Variants in FAM124A observed in about 807,000 individuals in gnomAD.
The protein encoded by FAM124A is protein FAM124A.
Under a neutral mutation model 24.5 loss-of-function variants are expected in FAM124A, and 23 were observed. That is an observed-to-expected ratio of 0.94 (90% CI 0.68 to 1.33). The LOEUF is 1.33. Ranked by LOEUF, FAM124A falls within the 40% of genes most tolerant of loss-of-function variation. FAM124A has a pLI of 0.00. For synonymous variants in FAM124A, 287 were observed against 314.7 expected (o/e 0.91, Z 0.93); for missense variants, 623 against 722.8 (o/e 0.86, Z 1.58).
At position 51,255,877 on chromosome 13, in the gene FAM124A, A is replaced by G. The variant is rs146394730; in HGVS notation, c.834+3676A>G. 1.7e-4 allele frequency among the ~76,000 whole-genome samples: 26 copies of G among 152,276 alleles called. No homozygotes were observed. The East Asian group carries it at 3.1e-3, about 18-fold the overall frequency. On this transcript the variant is annotated intron_variant, in intron 3 of 3. Transcript: ENST00000322475. ...ATGCACCTTCAGATACTCTCCCACA[A>G]TTTGTTTCTCTCAGCCAGGCTTTCA...
rs1481106770 is a variant in FAM124A at position 51,283,554 on chromosome 13, G to A, written c.*2298G>A. 1 of 152,032 alleles carries A rather than the reference G, an allele frequency of 6.6e-6. No individual in the cohort carries two copies. Among genetic ancestry groups the A allele is most frequent in the East Asian group, 1.9e-4 (1 of 5,186 alleles). The allele number at this position is 152,032 out of a possible 1,614,324, so 9.4% of individuals were successfully genotyped here. ...TTAGACCAATGACTTCAGAACCACAGGGCTCAGAACAGGAAGGAGCTTCTT... is the reference window on the plus strand; with the variant it reads ...TTAGACCAATGACTTCAGAACCACAAGGCTCAGAACAGGAAGGAGCTTCTT... On this transcript the variant is annotated 3_prime_UTR_variant, in exon 4 of 4. Coordinates refer to ENST00000322475, the MANE Select transcript of FAM124A (RefSeq NM_001242312.2).
intron 1 of FAM124A, among the ~76,000 whole-genome samples, chr13:51,223,934 C>T (rs1954289687): frequency 6.6e-6 from 1 of 152,182 alleles, no homozygotes; most frequent in Non-Finnish European, 1.5e-5. Flanking sequence ...ATAAAGCATT[C>T]ACTAGTCTAT....
At chr13:51,266,718 C>T (rs1307747467) in intron 3 of FAM124A, among the ~76,000 whole-genome samples, 2 of 152,244 alleles carry the variant, frequency 1.3e-5, no homozygotes, top group African/African-American at 2.4e-5. Flanking sequence ...TCTGCTCATA[C>T]AGAGCCCTCC....
intron 1 of FAM124A, among the ~76,000 whole-genome samples, chr13:51,228,727 A>C (rs1200832565): frequency 6.6e-6 from 1 of 152,196 alleles, no homozygotes; most frequent in Non-Finnish European, 1.5e-5. Flanking sequence ...CAAGCTTTGT[A>C]GTTTGTCTTT....
chr13:51,252,819 G>A (rs1331255076), intron 3 of FAM124A: 1 of 152,544 alleles, frequency 6.6e-6, no homozygotes, highest in Non-Finnish European at 1.5e-5. Flanking sequence ...GGAGCTTCTG[G>A]TTTCACTAAG....
At chr13:51,265,275 C>T (rs776609448) in intron 3 of FAM124A, among the ~76,000 whole-genome samples, 35 of 152,092 alleles carry the variant, frequency 2.3e-4, no homozygotes, top group Admixed American at 4.6e-4. Flanking sequence ...TGTCTCTCAC[C>T]GCCTCAACTT....
At chr13:51,259,481 C>T (rs1184651987) in intron 3 of FAM124A, among the ~76,000 whole-genome samples, 4 of 152,068 alleles carry the variant, frequency 2.6e-5, no homozygotes, top group Non-Finnish European at 5.9e-5. Flanking sequence ...TTGCCTCCCC[C>T]TTCCCCGCCG....
chr13:51,246,400 G>T (rs752149143), intron 2 of FAM124A, among the ~76,000 whole-genome samples: 13 of 107,216 alleles, frequency 1.2e-4, no homozygotes, highest in South Asian at 3.2e-4. Flanking sequence ...TGTTTCTCGT[G>T]GGGTGGGGGG....
chr13:51,265,199 C>T (rs1006969200), intron 3 of FAM124A, among the ~76,000 whole-genome samples: 4 of 152,098 alleles, frequency 2.6e-5, no homozygotes, highest in African/African-American at 9.7e-5. Flanking sequence ...CTTCCCAGGT[C>T]GGCTTGGCCA....
chr13:51,265,914 T>G (rs1462479923), intron 3 of FAM124A, among the ~76,000 whole-genome samples: 1 of 152,206 alleles, frequency 6.6e-6, no homozygotes, highest in East Asian at 1.9e-4. Context: ...TTATATACAT[T>G]ATTCTAGAAG....
At chr13:51,255,086 A>C (rs550188731) in intron 3 of FAM124A, among the ~76,000 whole-genome samples, 63 of 152,230 alleles carry the variant, frequency 4.1e-4, no homozygotes, top group African/African-American at 1.5e-3. Context: ...AGTCCAAAAA[A>C]ATTGGGCATA....
chr13:51,273,872 A>G (rs955340661), intron 3 of FAM124A, among the ~76,000 whole-genome samples: 8 of 152,214 alleles, frequency 5.3e-5, no homozygotes, highest in African/African-American at 1.7e-4. Context: ...TGAAACTCTG[A>G]TGATCCTTTG....
At chr13:51,222,699 C>G (rs1160349962) in intron 1 of FAM124A, 130 bp downstream of exon 1, 1 of 958,666 alleles carries the variant, frequency 1.0e-6, no homozygotes, top group South Asian at 5.3e-5. Flanking sequence ...CTGCCGGATC[C>G]CCCGCTCTCT....
At chr13:51,253,223 A>G (rs1163105111) in intron 3 of FAM124A, 2 of 152,234 alleles carry the variant, frequency 1.3e-5, no homozygotes, top group South Asian at 2.1e-4. Flanking sequence ...AATCACAGGT[A>G]AAGTTTCATC....
chr13:51,226,912 A>G (rs12427524), intron 1 of FAM124A, among the ~76,000 whole-genome samples: 25,843 of 151,982 alleles, frequency 0.17, 2,847 homozygotes, highest in East Asian at 0.48. Context: ...TCTGTACAAG[A>G]GGGATGACGA....
chr13:51,242,952 C>G (rs749283412), intron 2 of FAM124A, among the ~76,000 whole-genome samples: 42 of 152,330 alleles, frequency 2.8e-4, no homozygotes, highest in Admixed American at 6.5e-4. Flanking sequence ...CTTTATTGTA[C>G]TCCTCTGCCA....
At chr13:51,235,036 G>A (rs1954421426) in intron 2 of FAM124A, among the ~76,000 whole-genome samples, 1 of 152,292 alleles carries the variant, frequency 6.6e-6, no homozygotes, top group African/African-American at 2.4e-5. Flanking sequence ...GTCCAGATCC[G>A]GGGGATGTGA....
Position 51,251,557 on chromosome 13 carries a change from G to C in FAM124A, c.190G>C (p.Ala64Pro), listed in dbSNP as rs774641763. 4 of 1,534,218 alleles carry C rather than the reference G, an allele frequency of 2.6e-6. No homozygotes were observed. In the South Asian group the frequency reaches 5.1e-5, roughly 19 times the overall value. Residue 64 changes from alanine to proline, a missense_variant, in exon 3 of 4, where the codon GCC becomes CCC. Coordinates refer to ENST00000322475, the MANE Select transcript of FAM124A (RefSeq NM_001242312.2). The surrounding 1 kb of genome is among the most constrained non-coding windows in gnomAD (Gnocchi z 5.3). Reference sequence around the variant, plus strand: ...AGGGGAGTCCCAGCCCCTGCAGGAGGCCATCGACAACGTCCTGGCGTGGAT... The same window carrying C: ...AGGGGAGTCCCAGCCCCTGCAGGAGCCCATCGACAACGTCCTGGCGTGGAT... ...DPGESQPLQEAIDNVLAWIHP... is the reference protein window; with the variant it reads ...DPGESQPLQEPIDNVLAWIHP...
intron 1 of FAM124A, 129 bp from the exon 2 acceptor site, chr13:51,231,219 C>T (rs1954373348): frequency 1.1e-6 from 1 of 946,236 alleles, no homozygotes; most frequent in Non-Finnish European, 1.7e-6. Context: ...TGAGCCTTAG[C>T]ACTGCAGTTT....
Sources: gnomAD v4.1 joint callset for allele counts (sites outside exome capture counted in the v4.1 genomes callset) on GRCh38, gnomAD v4.1.1 for gene constraint, Gnocchi (gnomAD v3.1) non-coding constraint, MANE v1.5 for transcripts, NCBI Gene and HGNC (gene_info 2026-07-23, HGNC 2026-07-21) for gene names.